FAM135A: variants seen among roughly 807,000 people sequenced by gnomAD.
FAM135A encodes the protein protein FAM135A.
Under a neutral mutation model 146.8 loss-of-function variants are expected in FAM135A, and 79 were observed. The observed-to-expected ratio is 0.54, with a 90% confidence interval of 0.45 to 0.65. The LOEUF is 0.65. Ranked by LOEUF, FAM135A falls within the 30% of genes least tolerant of loss-of-function variation. The pLI is 0.00. For missense variants in FAM135A, 1,623 were observed against 1,758.2 expected (o/e 0.92, Z 1.38); for synonymous variants, 562 against 603.6 (o/e 0.93, Z 1.01).
chr6:70,541,423 C>T (rs907836573), intron 20 of FAM135A, among the ~76,000 whole-genome samples: 6 of 152,200 alleles, frequency 3.9e-5, no homozygotes, highest in Admixed American at 2.0e-4. Flanking sequence ...TTTAAGACTA[C>T]TGAAAACTCC....
Position 70,560,811 on chromosome 6 carries a change from TA to T in FAM135A, c.*894del, listed in dbSNP as rs1801763247. 6.6e-6 allele frequency: 1 copy of T among 152,558 alleles called. No homozygotes were observed. Among genetic ancestry groups the T allele is most frequent in the African/African-American group, 2.4e-5 (1 of 41,446 alleles). 9.5% of individuals were successfully genotyped at this position (152,558 alleles called of 1,614,324 possible). Reference sequence around the variant, plus strand: ...AATTTAGATAATTTTTAAATATTGTTAAAATTTATTGAACTAAAAAGTAATG... The same window carrying T: ...AATTTAGATAATTTTTAAATATTGTTAAATTTATTGAACTAAAAAGTAATG... On this transcript the variant is annotated 3_prime_UTR_variant, in exon 22 of 22. Transcript: ENST00000418814.
At position 70,526,127 on chromosome 6, in the gene FAM135A, G is replaced by A; in HGVS notation, c.3043G>A (p.Val1015Ile). 1 of 1,613,590 alleles carries A rather than the reference G, an allele frequency of 6.2e-7. No homozygotes were observed. Among genetic ancestry groups the A allele is most frequent in the Non-Finnish European group, 8.5e-7 (1 of 1,179,674 alleles). ...LTQMYSEIPTVESETHLGTSD... is the reference protein window; with the variant it reads ...LTQMYSEIPTIESETHLGTSD... ...ACAGATGTATTCAGAAATCCCTACA[G>A]TTGAAAGTGAAACTCATCTGGGTAC... Residue 1015 changes from valine to isoleucine, a missense_variant, in exon 15 of 22, where the codon GTT (valine) becomes ATT (isoleucine). By Grantham distance (29) the Val-to-Ile change is conservative (BLOSUM62 3). This residue lies in a region of FAM135A where 1,061 missense variants were observed against 1,113.8 expected (regional missense o/e 0.95). Coordinates refer to ENST00000418814, the MANE Select transcript of FAM135A (RefSeq NM_001162529.3).
chr6:70,549,045 A>G (rs1362632050), intron 20 of FAM135A, among the ~76,000 whole-genome samples: 1 of 152,150 alleles, frequency 6.6e-6, no homozygotes, highest in East Asian at 1.9e-4. Context: ...TGAAACAGAA[A>G]CCTTCATATA....
At position 70,559,973 on chromosome 6, in the gene FAM135A, A is replaced by G; in HGVS notation, c.*52A>G. The G allele has an allele frequency of 7.3e-7, 1 of 1,367,278 alleles. No homozygotes were observed. The highest frequency in any genetic ancestry group is 1.0e-6 in the Non-Finnish European group (1 of 980,532). The allele number at this position is 1,367,278 out of a possible 1,614,324, so 84.7% of individuals were successfully genotyped here. ...AATTACCTCATTCAACAATGTTTCA[A>G]ATAATGTATTATATTAAAATGTAGA... is the stretch of plus-strand genomic sequence containing the variant. On this transcript the variant is annotated 3_prime_UTR_variant, in exon 22 of 22. Transcript: ENST00000418814.
intron 2 of FAM135A, among the ~76,000 whole-genome samples, chr6:70,419,618 A>G (rs1444879940): frequency 6.6e-6 from 1 of 152,190 alleles, no homozygotes; most frequent in Non-Finnish European, 1.5e-5. Flanking sequence ...AATAGTATGC[A>G]GATTACGTGT....
At chr6:70,500,095 C>T (rs1035610407) in intron 11 of FAM135A, among the ~76,000 whole-genome samples, 11 of 152,150 alleles carry the variant, frequency 7.2e-5, no homozygotes, top group African/African-American at 2.7e-4. Flanking sequence ...TTCCATTCTC[C>T]CTGTCACTTT....
In FAM135A at chr6:70,420,971, T is replaced by C. The variant is rs995503046; in HGVS notation, c.-133-5468T>C. Among the ~76,000 whole-genome samples, 5 of 151,934 alleles carry C rather than the reference T, an allele frequency of 3.3e-5. No individual in the cohort carries two copies. The South Asian group carries it at 1.0e-3, about 32-fold the overall frequency. On this transcript the variant is annotated intron_variant, in intron 2 of 21. Coordinates refer to ENST00000418814, the MANE Select transcript of FAM135A (RefSeq NM_001162529.3). The stretch of plus-strand genomic sequence containing the variant: ...ATCTCAGCTCACTGCAGCCTCAACC[T>C]CCTGGGCTCAAGCAGTCCTCCCACC...
intron 4 of FAM135A, among the ~76,000 whole-genome samples, chr6:70,434,069 A>G (rs1225302023): frequency 6.6e-6 from 1 of 152,226 alleles, no homozygotes; most frequent in Non-Finnish European, 1.5e-5. Context: ...ATGTGGATGT[A>G]TGTCTTATAA....
At chr6:70,455,442 A>G (rs1267606329) in intron 5 of FAM135A, among the ~76,000 whole-genome samples, 2 of 152,054 alleles carry the variant, frequency 1.3e-5, no homozygotes, top group East Asian at 1.9e-4. Context: ...GTGTGTGTAT[A>G]TGTATATATA....
intron 20 of FAM135A, among the ~76,000 whole-genome samples, chr6:70,547,234 G>T (rs1326575109): frequency 6.6e-6 from 1 of 152,032 alleles, no homozygotes; most frequent in Non-Finnish European, 1.5e-5. Context: ...TTTAATCTTA[G>T]GTATCACTTT....
chr6:70,486,531 AAAACCATGATTATTACTAC>A (rs1784689540), intron 10 of FAM135A, among the ~76,000 whole-genome samples: 1 of 152,166 alleles, frequency 6.6e-6, no homozygotes, highest in South Asian at 2.1e-4. Context: ...GCACTTTTTC[AAAACCATGATTATTACTAC>A]AATTTGTTGG....
intron 4 of FAM135A, among the ~76,000 whole-genome samples, chr6:70,444,507 A>G (rs1230631038): frequency 3.3e-5 from 5 of 152,126 alleles, no homozygotes; most frequent in Non-Finnish European, 4.4e-5. Context: ...CAAGGCTGCA[A>G]TGAGCCATGG....
chr6:70,487,035 A>G (rs150728847), intron 10 of FAM135A, among the ~76,000 whole-genome samples: 3,640 of 142,060 alleles, frequency 0.026, 157 homozygotes, highest in African/African-American at 0.092. Flanking sequence ...GTGAGCCAAG[A>G]TCGTGCCACT....
intron 11 of FAM135A, among the ~76,000 whole-genome samples, chr6:70,500,818 A>T (rs924124085): frequency 6.6e-6 from 1 of 152,210 alleles, no homozygotes; most frequent in Non-Finnish European, 1.5e-5. Context: ...GAGGCTGCAC[A>T]ACAGCAAAGA....
intron 12 of FAM135A, among the ~76,000 whole-genome samples, chr6:70,520,350 T>G (rs1793288494): frequency 6.6e-6 from 1 of 152,220 alleles, no homozygotes; most frequent in South Asian, 2.1e-4. Flanking sequence ...GGTGCTTATT[T>G]TTTTCAAGGT....
chr6:70,439,544 A>C (rs1314269343), intron 4 of FAM135A, among the ~76,000 whole-genome samples: 1 of 151,842 alleles, frequency 6.6e-6, no homozygotes, highest in Non-Finnish European at 1.5e-5. Context: ...TATCTTTTTC[A>C]TTTTCTAGGG....
At chr6:70,446,983 G>C (rs1775894077) in intron 4 of FAM135A, among the ~76,000 whole-genome samples, 1 of 152,242 alleles carries the variant, frequency 6.6e-6, no homozygotes, top group Non-Finnish European at 1.5e-5. Context: ...ATAATTGGTT[G>C]AATAGTCCCA....
At chr6:70,475,594 G>A (rs1782471016) in intron 6 of FAM135A, 45 bp downstream of exon 6, 1 of 1,575,402 alleles carries the variant, frequency 6.3e-7, no homozygotes, top group Non-Finnish European at 8.6e-7. Flanking sequence ...TTTTTGTAAT[G>A]CCTCAAGATG....
At chr6:70,438,624 G>A (rs1443614176) in intron 4 of FAM135A, among the ~76,000 whole-genome samples, 2 of 152,170 alleles carry the variant, frequency 1.3e-5, no homozygotes, top group African/African-American at 4.8e-5. Flanking sequence ...GCCCAAGAGT[G>A]CAAGAGTACT....
Sources: gnomAD v4.1 joint callset for allele counts (sites outside exome capture counted in the v4.1 genomes callset) on GRCh38, gnomAD v4.1.1 for gene constraint, gnomAD v4.1.1 regional missense constraint, MANE v1.5 for transcripts, NCBI Gene and HGNC (gene_info 2026-07-23, HGNC 2026-07-21) for gene names.